The following VPS35L variants were observed in gnomAD, a reference collection of about 807,000 sequenced individuals.
VPS35L encodes VPS35 endosomal protein-sorting factor-like.
In VPS35L, 83 loss-of-function variants were observed where a neutral mutation model predicts 133.0. The ratio of observed to expected loss-of-function variants is 0.62; its 90% CI spans 0.52 to 0.75. The LOEUF (loss-of-function observed/expected upper bound fraction) is 0.75. Ranked by LOEUF, VPS35L falls within the 30% of genes least tolerant of loss-of-function variation. The probability of loss-of-function intolerance (pLI) is 0.00; values close to 1 mark genes in which losing one functional copy is unlikely to be tolerated. For missense variants in VPS35L, 1,083 were observed against 1,206.8 expected (o/e 0.90, Z 1.52); for synonymous variants, 423 against 449.9 (o/e 0.94, Z 0.76).
At chr16:19,585,411 T>C (rs1026696752) in intron 7 of VPS35L, among the ~76,000 whole-genome samples, 6 of 136,184 alleles carry the variant, frequency 4.4e-5, no homozygotes, top group Admixed American at 1.6e-4. Context: ...TTTTTCTTTT[T>C]TTTTTTTTTT....
chr16:19,645,814 G>A (rs537898391), intron 23 of VPS35L, among the ~76,000 whole-genome samples: 2 of 152,364 alleles, frequency 1.3e-5, no homozygotes, highest in African/African-American at 4.8e-5. Flanking sequence ...GGTGTGTCCT[G>A]AAGCAGCTGA....
At chr16:19,691,241 C>A in intron 28 of VPS35L, 112 bp from the exon 29 acceptor site, 1 of 836,364 alleles carries the variant, frequency 1.2e-6, no homozygotes, top group Non-Finnish European at 2.0e-6. Flanking sequence ...TGTGCCCTGC[C>A]ACGACTTCCT....
At position 19,610,244 on chromosome 16, in the gene VPS35L, T is replaced by C. The variant is rs1972668552; in HGVS notation, c.930-78T>C. 4.0e-6 allele frequency: 5 copies of C among 1,251,772 alleles called. No individual in the cohort carries two copies. In the East Asian group the frequency reaches 1.0e-4, roughly 26 times the overall value. The allele number at this position is 1,251,772 out of a possible 1,614,324, so 77.5% of individuals were successfully genotyped here. On this transcript the variant is annotated intron_variant, in intron 11 of 30. Coordinates refer to ENST00000417362, the MANE Select transcript of VPS35L (RefSeq NM_020314.7). ...CCCCCTCCCTGAAATTTAGGAAGTC[T>C]TTATCTTTATTTAAAAAATTAAAGA...
chr16:19,555,839 C>T, intron 1 of VPS35L, 93 bp downstream of exon 1: 1 of 1,483,120 alleles, frequency 6.7e-7, no homozygotes, highest in Non-Finnish European at 9.0e-7. Context: ...TCCTCTCTGT[C>T]GGGTTCTGGT....
At chr16:19,677,651 C>T (rs1975109959) in intron 27 of VPS35L, among the ~76,000 whole-genome samples, 1 of 152,160 alleles carries the variant, frequency 6.6e-6, no homozygotes, top group Non-Finnish European at 1.5e-5. Context: ...CAGGAGGGCA[C>T]AGGGGATGCC....
intron 25 of VPS35L, 72 bp downstream of exon 25, chr16:19,650,531 A>C (rs1974092925): frequency 1.7e-6 from 2 of 1,211,850 alleles, no homozygotes; most frequent in Admixed American, 1.7e-5. Context: ...TTACTAAATT[A>C]CATTTCCCAG....
Position 19,573,158 on chromosome 16 carries a change from G to T in VPS35L, c.325G>T (p.Val109Phe), listed in dbSNP as rs147199562. 2 of 1,613,758 alleles carry T rather than the reference G, an allele frequency of 1.2e-6. No individual in the cohort carries two copies. The highest frequency in any genetic ancestry group is 1.7e-6 in the Non-Finnish European group (2 of 1,179,870). Reference sequence around the variant, plus strand: ...GAAACGTGATAGAGATGATAACTCCGTTGTAGGATCGGATTTTGAGCCTTG... The same window carrying T: ...GAAACGTGATAGAGATGATAACTCCTTTGTAGGATCGGATTTTGAGCCTTG... Reference protein sequence around the residue: ...RRKRDRDDNSVVGSDFEPWTN... With the variant: ...RRKRDRDDNSFVGSDFEPWTN... The change falls in exon 4 of 31, where the codon GTT (valine) becomes TTT (phenylalanine). Residue 109 changes from valine to phenylalanine, a missense_variant. Physicochemically the swap from Val to Phe is conservative, Grantham distance 50. Coordinates refer to ENST00000417362, the MANE Select transcript of VPS35L (RefSeq NM_020314.7).
At chr16:19,676,166 C>G (rs2151611877) in intron 27 of VPS35L, among the ~76,000 whole-genome samples, 1 of 152,176 alleles carries the variant, frequency 6.6e-6, no homozygotes, top group East Asian at 1.9e-4. Flanking sequence ...GCAGGAGAAT[C>G]ATTTGAACCC....
At chr16:19,622,914 C>T (rs1480846145) in intron 14 of VPS35L, among the ~76,000 whole-genome samples, 2 of 152,148 alleles carry the variant, frequency 1.3e-5, no homozygotes, top group Non-Finnish European at 2.9e-5. Context: ...ATGTGTCCTC[C>T]TCCACAACAA....
chr16:19,682,349 C>T lies in VPS35L; in HGVS notation c.2486C>T (p.Ser829Phe). Reference protein sequence around the residue: ...RIYTCVLHLLSAMSQETYLYH... With the variant: ...RIYTCVLHLLFAMSQETYLYH... ...TACACCTGCGTCCTGCATCTCCTCT[C>T]CGCCATGAGCCAGGAGACGTACCTT... Residue 829 changes from serine to phenylalanine, a missense_variant, in exon 28 of 31, where the codon TCC becomes TTC. By Grantham distance (155) the Ser-to-Phe change is radical. Transcript: ENST00000417362. The T allele has an allele frequency of 6.2e-7, 1 of 1,614,234 alleles. No individual in the cohort carries two copies. The highest frequency in any genetic ancestry group is 8.5e-7 in the Non-Finnish European group (1 of 1,180,038).
At chr16:19,582,615 G>A (rs8049687) in intron 7 of VPS35L, among the ~76,000 whole-genome samples, 5,556 of 152,248 alleles carry the variant, frequency 0.036, 325 homozygotes, top group African/African-American at 0.13. Context: ...CTGGAAGCCC[G>A]TGGAGAGGGT....
At chr16:19,624,295 T>A (rs1282064738) in intron 14 of VPS35L, among the ~76,000 whole-genome samples, 1 of 151,526 alleles carries the variant, frequency 6.6e-6, no homozygotes, top group Non-Finnish European at 1.5e-5. Flanking sequence ...TTTTAAAAAA[T>A]TTTATGACTG....
intron 27 of VPS35L, among the ~76,000 whole-genome samples, chr16:19,673,387 G>C (rs919456193): frequency 1.3e-5 from 2 of 152,198 alleles, no homozygotes; most frequent in African/African-American, 4.8e-5. Flanking sequence ...CTGCAGCTGG[G>C]TACCAGCTGC....
intron 27 of VPS35L, among the ~76,000 whole-genome samples, chr16:19,671,498 C>T (rs1015573992): frequency 2.8e-5 from 4 of 145,366 alleles, no homozygotes; most frequent in Non-Finnish European, 6.0e-5. Flanking sequence ...TTCCAAGGGC[C>T]AGGCATGATG....
At chr16:19,643,876 T>C (rs1340900826) in intron 22 of VPS35L, among the ~76,000 whole-genome samples, 1 of 152,094 alleles carries the variant, frequency 6.6e-6, no homozygotes, top group Non-Finnish European at 1.5e-5. Flanking sequence ...GAGAATCGCT[T>C]GAACCTGGGA....
chr16:19,672,173 G>A (rs1249593821), intron 27 of VPS35L, among the ~76,000 whole-genome samples: 1 of 152,070 alleles, frequency 6.6e-6, no homozygotes, highest in Non-Finnish European at 1.5e-5. Context: ...GGCTGGTCTT[G>A]AACTCCTGGC....
At chr16:19,644,107 T>A (rs532024289) in intron 22 of VPS35L, among the ~76,000 whole-genome samples, 10 of 152,290 alleles carry the variant, frequency 6.6e-5, no homozygotes, top group South Asian at 2.1e-4. Context: ...ATTTTTTTTT[T>A]AAATAACTTT....
Position 19,608,032 on chromosome 16 carries a change from A to T in VPS35L, c.785-146A>T, listed in dbSNP as rs572338493. The T allele has an allele frequency of 3.8e-5, 24 of 635,266 alleles. No homozygotes were observed. In the African/African-American group the frequency reaches 4.4e-4, roughly 12 times the overall value. 39.4% of individuals were successfully genotyped at this position (635,266 alleles called of 1,614,324 possible). On this transcript the variant is annotated intron_variant, in intron 9 of 30. Coordinates refer to ENST00000417362, the MANE Select transcript of VPS35L (RefSeq NM_020314.7). ...GTCTGTGTAAACTATTGTTATCATC[A>T]GTTACTTCCTAATAGTGATATTTGG... is the stretch of plus-strand genomic sequence containing the variant.
At chr16:19,679,072 T>C (rs1221743953) in intron 27 of VPS35L, among the ~76,000 whole-genome samples, 2 of 141,888 alleles carry the variant, frequency 1.4e-5, no homozygotes, top group Admixed American at 7.8e-5. Flanking sequence ...AAATATATTT[T>C]TGGACAGCCA....
Sources: gnomAD v4.1 joint callset for allele counts (sites outside exome capture counted in the v4.1 genomes callset) on GRCh38, gnomAD v4.1.1 for gene constraint, MANE v1.5 for transcripts, NCBI Gene and HGNC (gene_info 2026-07-23, HGNC 2026-07-21) for gene names.